Variants in DENND1A observed in about 807,000 individuals in gnomAD.
DENND1A encodes the protein DENN domain-containing protein 1A.
Under a neutral mutation model 113.7 loss-of-function variants are expected in DENND1A, and 51 were observed. The ratio of observed to expected loss-of-function variants is 0.45; its 90% CI spans 0.36 to 0.57. The LOEUF (loss-of-function observed/expected upper bound fraction) is 0.57. Ranked by LOEUF, DENND1A falls within the 20% of genes least tolerant of loss-of-function variation. The pLI is 0.00. For synonymous variants in DENND1A, 565 were observed against 570.8 expected (o/e 0.99, Z 0.14); for missense variants, 1,258 against 1,395.9 (o/e 0.90, Z 1.57).
chr9:123,569,108 C>T (rs2058217588), intron 12 of DENND1A, among the ~76,000 whole-genome samples: 1 of 152,154 alleles, frequency 6.6e-6, no homozygotes, highest in Non-Finnish European at 1.5e-5. Context: ...GCATTAATTA[C>T]CCGGGGTAAA....
chr9:123,414,659 ACT>A, intron 19 of DENND1A: 7 of 1,527,934 alleles, frequency 4.6e-6, no homozygotes, highest in Non-Finnish European at 6.2e-6. Flanking sequence ...AAACCTATTA[ACT>A]CTTTTTTAAA....
intron 13 of DENND1A, among the ~76,000 whole-genome samples, chr9:123,493,411 GAA>G (rs1181762289): frequency 1.3e-5 from 2 of 152,212 alleles, no homozygotes; most frequent in African/African-American, 4.8e-5. Context: ...CTGAGAGGGT[GAA>G]AGAGGATGGG....
intron 13 of DENND1A, among the ~76,000 whole-genome samples, chr9:123,550,044 G>A (rs376767344): frequency 6.6e-6 from 1 of 152,176 alleles, no homozygotes; most frequent in Non-Finnish European, 1.5e-5. Flanking sequence ...ACACAACCTC[G>A]TGCATTCATC....
chr9:123,640,953 A>G (rs1564868298), intron 9 of DENND1A, among the ~76,000 whole-genome samples: 1 of 152,246 alleles, frequency 6.6e-6, no homozygotes, highest in Non-Finnish European at 1.5e-5. Context: ...TTGGGAAAAG[A>G]TACCTCCAGC....
At chr9:123,573,214 T>A (rs1164982932) in intron 12 of DENND1A, among the ~76,000 whole-genome samples, 1 of 152,176 alleles carries the variant, frequency 6.6e-6, no homozygotes, top group Non-Finnish European at 1.5e-5. Context: ...ACAGGTAATA[T>A]AAGTCCTACA....
At chr9:123,904,796 C>A (rs922254080) in intron 1 of DENND1A, among the ~76,000 whole-genome samples, 4 of 151,910 alleles carry the variant, frequency 2.6e-5, no homozygotes, top group African/African-American at 9.7e-5. Flanking sequence ...GGATATGATC[C>A]AGGAGAACTT....
intron 11 of DENND1A, among the ~76,000 whole-genome samples, chr9:123,605,853 T>C (rs1210910258): frequency 6.6e-6 from 1 of 152,258 alleles, no homozygotes; most frequent in African/African-American, 2.4e-5. Context: ...TCTAAACTTT[T>C]ATGAACATCT....
At chr9:123,782,777 C>T (rs966255862) in intron 3 of DENND1A, among the ~76,000 whole-genome samples, 1 of 152,172 alleles carries the variant, frequency 6.6e-6, no homozygotes, top group African/African-American at 2.4e-5. Flanking sequence ...CATTATATCA[C>T]ACAATTTATG....
chr9:123,733,501 G>T (rs2068333863), intron 5 of DENND1A, among the ~76,000 whole-genome samples: 1 of 151,982 alleles, frequency 6.6e-6, no homozygotes, highest in Non-Finnish European at 1.5e-5. Context: ...TGGCCAGGCT[G>T]GTCTCAAACT....
intron 9 of DENND1A, among the ~76,000 whole-genome samples, chr9:123,643,879 G>C (rs541165633): frequency 6.6e-6 from 1 of 152,304 alleles, no homozygotes; most frequent in Admixed American, 6.5e-5. Flanking sequence ...AAAAAGCTTA[G>C]GTGTGCGTTC....
At chr9:123,815,944 C>T (rs969563952) in intron 2 of DENND1A, among the ~76,000 whole-genome samples, 2 of 148,214 alleles carry the variant, frequency 1.3e-5, no homozygotes, top group African/African-American at 2.5e-5. Flanking sequence ...GAAAAAGAAA[C>T]AACAATTATC....
At chr9:123,652,851 G>A (rs2062733413) in intron 8 of DENND1A, among the ~76,000 whole-genome samples, 2 of 152,070 alleles carry the variant, frequency 1.3e-5, no homozygotes. Flanking sequence ...CTGTAGCCTG[G>A]GCTTCAGTCT....
chr9:123,487,992 G>A (rs1429172161), intron 13 of DENND1A, among the ~76,000 whole-genome samples: 1 of 152,136 alleles, frequency 6.6e-6, no homozygotes, highest in Admixed American at 6.6e-5. Context: ...CCTCCTTCCC[G>A]GAACCAGCGG....
At chr9:123,695,526 TCTGA>T (rs2065458579) in intron 5 of DENND1A, among the ~76,000 whole-genome samples, 1 of 152,116 alleles carries the variant, frequency 6.6e-6, no homozygotes. Flanking sequence ...TCTAGAGAAC[TCTGA>T]CTAATACAGC....
chr9:123,529,374 C>A (rs990269357), intron 13 of DENND1A, among the ~76,000 whole-genome samples: 6 of 152,158 alleles, frequency 3.9e-5, no homozygotes, highest in Non-Finnish European at 8.8e-5. Context: ...GGGCGCTTAA[C>A]AAATGTTGAA....
At chr9:123,875,589 T>A (rs1330814143) in intron 2 of DENND1A, among the ~76,000 whole-genome samples, 2 of 152,128 alleles carry the variant, frequency 1.3e-5, no homozygotes, top group Non-Finnish European at 2.9e-5. Flanking sequence ...TACTGCAAGC[T>A]CTATCCCATA....
chr9:123,476,651 G>A (rs972925882), intron 13 of DENND1A, among the ~76,000 whole-genome samples: 3 of 152,244 alleles, frequency 2.0e-5, no homozygotes, highest in African/African-American at 7.2e-5. Flanking sequence ...GGAACGAGGT[G>A]TGGGAGGCGG....
intron 13 of DENND1A, among the ~76,000 whole-genome samples, chr9:123,496,333 G>A (rs2051911930): frequency 6.6e-6 from 1 of 152,172 alleles, no homozygotes; most frequent in Non-Finnish European, 1.5e-5. Flanking sequence ...GCTTTTCCTG[G>A]TGCTTTTAAC....
chr9:123,505,957 C>T (rs541746855), intron 13 of DENND1A, among the ~76,000 whole-genome samples: 8 of 152,152 alleles, frequency 5.3e-5, no homozygotes, highest in South Asian at 2.1e-4. Context: ...TCCTCTGTGC[C>T]GCTGCTCCTC....
Sources: gnomAD v4.1 joint callset for allele counts (sites outside exome capture counted in the v4.1 genomes callset) on GRCh38, gnomAD v4.1.1 for gene constraint, MANE v1.5 for transcripts, NCBI Gene and HGNC (gene_info 2026-07-23, HGNC 2026-07-21) for gene names.